Variants in SEPTIN2 observed in about 807,000 individuals in gnomAD.
SEPTIN2 encodes septin 2.
Under a neutral mutation model 46.5 loss-of-function variants are expected in SEPTIN2, and 34 were observed. The observed-to-expected ratio is 0.73, with a 90% CI of 0.56 to 0.97. The LOEUF (loss-of-function observed/expected upper bound fraction) is 0.97. SEPTIN2 is among the 50% of genes least tolerant of loss of function. SEPTIN2 has a pLI of 0.00. For synonymous variants in SEPTIN2, 175 were observed against 153.4 expected (o/e 1.14, Z -1.04); for missense variants, 347 against 448.4 (o/e 0.77, Z 2.04).
chr2:241,324,921 C>T (rs1195744910), intron 2 of SEPTIN2: 1 of 151,808 alleles, frequency 6.6e-6, no homozygotes, highest in Non-Finnish European at 1.5e-5. Flanking sequence ...AGAACATATT[C>T]TGAGAAAAGC....
chr2:241,331,534 GC>G (rs2079008375), intron 3 of SEPTIN2, among the ~76,000 whole-genome samples: 1 of 152,132 alleles, frequency 6.6e-6, no homozygotes. Flanking sequence ...GGGACTACAG[GC>G]ATGCGCCACC....
intron 1 of SEPTIN2, among the ~76,000 whole-genome samples, chr2:241,323,024 AAATTTTTTTAATTTTTT>A (rs1465127744): frequency 2.6e-5 from 4 of 152,184 alleles, no homozygotes; most frequent in African/African-American, 9.7e-5. Flanking sequence ...ATCAACTTAA[AAATTTTTTTAATTTTTT>A]AATTTTTTGT....
At chr2:241,340,982 G>C (rs1013999176) in intron 7 of SEPTIN2, among the ~76,000 whole-genome samples, 1 of 152,166 alleles carries the variant, frequency 6.6e-6, no homozygotes, top group Non-Finnish European at 1.5e-5. Context: ...GCTCTCTCAT[G>C]GGCTTGGCCA....
At chr2:241,338,752 T>G (rs2080579982) in intron 7 of SEPTIN2, among the ~76,000 whole-genome samples, 1 of 111,802 alleles carries the variant, frequency 8.9e-6, no homozygotes, top group African/African-American at 3.7e-5. Context: ...TTATATGTAA[T>G]ATATTTATAT....
intron 3 of SEPTIN2, among the ~76,000 whole-genome samples, chr2:241,330,927 T>C (rs775185055): frequency 4.6e-5 from 7 of 152,354 alleles, no homozygotes; most frequent in Admixed American, 1.3e-4. Flanking sequence ...CCCAGCACTT[T>C]GGGAGCCCGA....
intron 7 of SEPTIN2, among the ~76,000 whole-genome samples, chr2:241,339,291 G>C (rs1037567382): frequency 1.4e-4 from 21 of 151,156 alleles, no homozygotes; most frequent in African/African-American, 4.4e-4. Flanking sequence ...CACTCAGGAG[G>C]CTGAAGCAAA....
chr2:241,327,927 C>G (rs373637377), intron 3 of SEPTIN2, among the ~76,000 whole-genome samples: 1 of 152,080 alleles, frequency 6.6e-6, no homozygotes, highest in Non-Finnish European at 1.5e-5. Context: ...GTGGGGGATG[C>G]CGGTAGTCAC....
intron 10 of SEPTIN2, among the ~76,000 whole-genome samples, chr2:241,347,114 A>G (rs887999474): frequency 5.3e-5 from 8 of 152,142 alleles, no homozygotes; most frequent in African/African-American, 1.9e-4. Flanking sequence ...TAAATTAGCC[A>G]GATGTGGTGG....
At chr2:241,350,234 C>T in intron 12 of SEPTIN2, 31 bp downstream of exon 12, 1 of 1,241,368 alleles carries the variant, frequency 8.1e-7, no homozygotes, top group Non-Finnish European at 1.1e-6. Context: ...GCCTGGAAGA[C>T]AGGCAGTTAC....
chr2:241,337,566 G>GT (rs752376515), intron 6 of SEPTIN2, 50 bp downstream of exon 6: 1 of 1,599,916 alleles, frequency 6.3e-7, no homozygotes, highest in Non-Finnish European at 8.5e-7. Context: ...GGGTTTGTAA[G>GT]TTTTACCCAA....
chr2:241,337,286 A>G, intron 5 of SEPTIN2, 96 bp from the exon 6 acceptor site: 1 of 1,057,292 alleles, frequency 9.5e-7, no homozygotes, highest in Non-Finnish European at 1.4e-6. Flanking sequence ...TTATTAAATT[A>G]TGTATATTTG....
chr2:241,345,176 G>A (rs1413892079), intron 9 of SEPTIN2, among the ~76,000 whole-genome samples: 2 of 152,010 alleles, frequency 1.3e-5, no homozygotes, highest in Non-Finnish European at 2.9e-5. Flanking sequence ...TTTAATCAGA[G>A]GACTTCAAAG....
intron 7 of SEPTIN2, among the ~76,000 whole-genome samples, chr2:241,339,033 CATATT>C (rs1458430355): frequency 8.0e-5 from 9 of 112,020 alleles, no homozygotes; most frequent in Admixed American, 2.4e-4. Context: ...TATTTATATA[CATATT>C]ATATATACAT....
intron 1 of SEPTIN2, among the ~76,000 whole-genome samples, chr2:241,321,559 G>A (rs1047822034): frequency 7.9e-5 from 12 of 151,764 alleles, no homozygotes; most frequent in Non-Finnish European, 1.5e-4. Flanking sequence ...ATAGCTGGAC[G>A]GTTTGTTGTT....
At chr2:241,318,754 G>T (rs2076734130) in intron 1 of SEPTIN2, among the ~76,000 whole-genome samples, 1 of 147,140 alleles carries the variant, frequency 6.8e-6, no homozygotes, top group South Asian at 2.1e-4. Flanking sequence ...AGGCTGGAGT[G>T]CAGTGGTGCG....
At position 241,353,404 on chromosome 2, in the gene SEPTIN2, G is replaced by A. The variant is rs2060918389; in HGVS notation, c.*1467G>A. On this transcript the variant is annotated 3_prime_UTR_variant, in exon 13 of 13. Transcript: ENST00000391971. ...AACCCCAGAAATTGACAGATGAAAG[G>A]AGACAATGGTTGTGTAGGGAGATGG... The A allele has an allele frequency of 6.6e-6, 1 of 152,226 alleles. No individual in the cohort carries two copies. Among genetic ancestry groups the A allele is most frequent in the African/African-American group, 2.4e-5 (1 of 41,468 alleles). The allele number at this position is 152,226 out of a possible 1,614,324, so 9.4% of individuals were successfully genotyped here.
intron 7 of SEPTIN2, among the ~76,000 whole-genome samples, chr2:241,338,608 A>G (rs1355657534): frequency 7.6e-6 from 1 of 132,328 alleles, no homozygotes; most frequent in East Asian, 2.0e-4. Flanking sequence ...TATATATTTT[A>G]TATATATAAT....
At chr2:241,325,879 T>C (rs929670661) in intron 2 of SEPTIN2, 114 bp from the exon 3 acceptor site, 1 of 989,050 alleles carries the variant, frequency 1.0e-6, no homozygotes, top group African/African-American at 1.6e-5. Flanking sequence ...GTTTATACTT[T>C]TTAAAAAATT....
chr2:241,350,694 T>G (rs2060710828), intron 12 of SEPTIN2, among the ~76,000 whole-genome samples: 1 of 152,126 alleles, frequency 6.6e-6, no homozygotes, highest in Non-Finnish European at 1.5e-5. Flanking sequence ...TGACCTCCTG[T>G]TCCTCAGATA....
Sources: allele counts gnomAD v4.1 joint callset (sites outside exome capture counted in the v4.1 genomes callset), GRCh38; gene constraint gnomAD v4.1.1; transcripts MANE v1.5; gene names NCBI Gene and HGNC (gene_info 2026-07-23, HGNC 2026-07-21).